KLHL32: variants seen among roughly 807,000 people sequenced by gnomAD.
KLHL32 encodes the protein kelch like family member 32.
KLHL32 carries 35 observed loss-of-function variants against 64.8 expected under a neutral mutation model. The ratio of observed to expected loss-of-function variants is 0.54; its 90% CI spans 0.41 to 0.72. The LOEUF is 0.72. KLHL32 is among the 30% of genes least tolerant of loss of function. KLHL32 has a pLI of 0.00. For missense variants in KLHL32, 589 were observed against 768.5 expected (o/e 0.77, Z 2.76); for synonymous variants, 259 against 281.0 (o/e 0.92, Z 0.78).
chr6:97,130,333 A>T (rs1799299026), intron 8 of KLHL32, among the ~76,000 whole-genome samples: 1 of 152,214 alleles, frequency 6.6e-6, no homozygotes, highest in Non-Finnish European at 1.5e-5. Flanking sequence ...TACAAGTTAT[A>T]AACCCAGGTA....
At chr6:97,113,407 A>G (rs982319267) in intron 6 of KLHL32, among the ~76,000 whole-genome samples, 6 of 152,132 alleles carry the variant, frequency 3.9e-5, no homozygotes, top group African/African-American at 1.4e-4. Flanking sequence ...GACACCTCCC[A>G]CCATTGACAT....
chr6:96,991,277 G>A (rs1218640431), intron 3 of KLHL32, among the ~76,000 whole-genome samples: 1 of 152,134 alleles, frequency 6.6e-6, no homozygotes, highest in Non-Finnish European at 1.5e-5. Context: ...TGCTCAGCTG[G>A]GGGTGGGGTG....
At chr6:96,908,103 A>G in the KLHL32 span, among the ~76,000 whole-genome samples, 1 of 152,208 alleles carries the variant, frequency 6.6e-6, no homozygotes, top group Admixed American at 6.5e-5. Context: ...TAACAGCTAA[A>G]CAAGAAAACC....
At chr6:97,099,141 G>GTACTTTTTATA (rs1795363856) in intron 6 of KLHL32, among the ~76,000 whole-genome samples, 1 of 152,136 alleles carries the variant, frequency 6.6e-6, no homozygotes, top group African/African-American at 2.4e-5. Flanking sequence ...TTATATCAAA[G>GTACTTTTTATA]TCATCTCCAA....
rs148594674 is a variant in KLHL32, at chr6:96,951,633, C to T, written c.-65-15363C>T. 3.2e-3 allele frequency among the ~76,000 whole-genome samples: 492 copies of T among 152,182 alleles called. 2 individuals carry two copies. Among genetic ancestry groups the T allele is most frequent in the African/African-American group, 0.011 (467 of 41,508 alleles). On this transcript the variant is annotated intron_variant, in intron 1 of 10. Transcript: ENST00000369261. ...CTATTAATATTGAGCAATATGCATA[C>T]CAAAACTGGTATGTACTTTGGATTG...
intron 4 of KLHL32, among the ~76,000 whole-genome samples, chr6:97,048,705 C>T (rs1786334197): frequency 6.6e-6 from 1 of 152,134 alleles, no homozygotes; most frequent in South Asian, 2.1e-4. Context: ...GAGACCTGAG[C>T]ATCAGGCCAG....
At position 97,127,475 on chromosome 6, in the gene KLHL32, T is replaced by G. The variant is rs367957659; in HGVS notation, c.1413+13T>G. 1.3e-6 allele frequency: 2 copies of G among 1,595,394 alleles called. No individual in the cohort carries two copies. Among genetic ancestry groups the G allele is most frequent in the Admixed American group, 3.4e-5 (2 of 59,686 alleles). ...TGAACCTAACCAGGTAAGAATCATGTAAGAACACCTCATTATCTTAATTAA... is the reference window on the plus strand; with the variant it reads ...TGAACCTAACCAGGTAAGAATCATGGAAGAACACCTCATTATCTTAATTAA... On this transcript the variant is annotated intron_variant, in intron 8 of 10. Coordinates refer to ENST00000369261, the MANE Select transcript of KLHL32 (RefSeq NM_052904.4).
intron 8 of KLHL32, 134 bp from the exon 9 acceptor site, chr6:97,130,622 TA>T: frequency 1.6e-6 from 1 of 626,526 alleles, no homozygotes; most frequent in Non-Finnish European, 2.6e-6. Context: ...TCAATATATA[TA>T]AACAACATTC....
At chr6:97,021,619 A>T (rs1781995207) in intron 3 of KLHL32, among the ~76,000 whole-genome samples, 1 of 150,944 alleles carries the variant, frequency 6.6e-6, no homozygotes, top group Non-Finnish European at 1.5e-5. Context: ...GACATACTAG[A>T]GTAATGTTTT....
chr6:97,016,196 C>T (rs946658805), intron 3 of KLHL32, among the ~76,000 whole-genome samples: 4 of 152,222 alleles, frequency 2.6e-5, no homozygotes, highest in Non-Finnish European at 5.9e-5. Flanking sequence ...AGAGGGCCAC[C>T]ATCCTCCAGA....
At chr6:96,946,954 G>A (rs1771996240) in intron 1 of KLHL32, among the ~76,000 whole-genome samples, 1 of 152,042 alleles carries the variant, frequency 6.6e-6, no homozygotes. Flanking sequence ...ATTAACAGTG[G>A]GCACATATTT....
At chr6:96,935,093 G>A (rs1308579578) in intron 1 of KLHL32, among the ~76,000 whole-genome samples, 5 of 152,158 alleles carry the variant, frequency 3.3e-5, no homozygotes, top group African/African-American at 9.7e-5. Flanking sequence ...ATGAATTGCC[G>A]ACATCTACAA....
chr6:96,955,460 T>G (rs1050044725), intron 1 of KLHL32, among the ~76,000 whole-genome samples: 2 of 152,210 alleles, frequency 1.3e-5, no homozygotes, highest in African/African-American at 4.8e-5. Context: ...TTTTTTCATC[T>G]CTTTACTATA....
chr6:97,110,425 T>G (rs552839797), intron 6 of KLHL32, among the ~76,000 whole-genome samples: 1 of 152,334 alleles, frequency 6.6e-6, no homozygotes, highest in South Asian at 2.1e-4. Context: ...CCACGTTCAC[T>G]TCATTCAGAA....
At chr6:96,959,005 T>C (rs1320110414) in intron 1 of KLHL32, among the ~76,000 whole-genome samples, 1 of 152,062 alleles carries the variant, frequency 6.6e-6, no homozygotes, top group Non-Finnish European at 1.5e-5. Flanking sequence ...TGGAAGGGAG[T>C]GTTCTGGTAA....
the KLHL32 span, among the ~76,000 whole-genome samples, chr6:96,902,918 G>C: frequency 6.6e-6 from 1 of 152,116 alleles, no homozygotes; most frequent in Non-Finnish European, 1.5e-5. Context: ...TCTTATTTCT[G>C]GGTTCCTCTT....
intron 1 of KLHL32, among the ~76,000 whole-genome samples, chr6:96,953,165 C>A (rs1478457702): frequency 1.3e-5 from 2 of 152,132 alleles, no homozygotes; most frequent in Non-Finnish European, 2.9e-5. Flanking sequence ...GCAAGAAGAC[C>A]CCATCAGATG....
the KLHL32 span, among the ~76,000 whole-genome samples, chr6:96,905,957 A>C: frequency 6.6e-6 from 1 of 152,156 alleles, no homozygotes; most frequent in African/African-American, 2.4e-5. Context: ...TTTTTGGATT[A>C]GTTTCTTATT....
chr6:97,034,064 C>T (rs1202350410), intron 3 of KLHL32, among the ~76,000 whole-genome samples: 1 of 151,952 alleles, frequency 6.6e-6, no homozygotes, highest in East Asian at 1.9e-4. Flanking sequence ...GCTTTTGTTG[C>T]CAGTAGTTTG....
Sources: allele counts gnomAD v4.1 joint callset (sites outside exome capture counted in the v4.1 genomes callset), GRCh38; gene constraint gnomAD v4.1.1; transcripts MANE v1.5; gene names NCBI Gene and HGNC (gene_info 2026-07-23, HGNC 2026-07-21).